REEP6: variants seen among roughly 807,000 people sequenced by gnomAD.
The protein encoded by REEP6 is receptor expression-enhancing protein 6.
Under a neutral mutation model 22.4 loss-of-function variants are expected in REEP6, and 19 were observed. That is an observed-to-expected ratio of 0.85 (90% CI 0.59 to 1.25). REEP6 has a LOEUF of 1.25. REEP6 is among the 50% of genes most tolerant of loss of function. The probability of loss-of-function intolerance (pLI) is 0.00; values close to 1 mark genes in which losing one functional copy is unlikely to be tolerated. For synonymous variants in REEP6, 121 were observed against 113.6 expected (o/e 1.06, Z -0.41); for missense variants, 273 against 251.9 (o/e 1.08, Z -0.57).
rs2084954170 is a variant in REEP6, at chr19:1,491,964, G to A, written c.115+580G>A. Among the ~76,000 whole-genome samples, 1 of 152,184 alleles carries A rather than the reference G, an allele frequency of 6.6e-6. No individual in the cohort carries two copies. The highest frequency in any genetic ancestry group is 1.5e-5 in the Non-Finnish European group (1 of 68,030). Reference sequence around the variant, plus strand: ...TGTGATGTGGGGAGGCTGGACTGGGGCCCACAGAGCCGGAGATCCAGGCAC... The same window carrying A: ...TGTGATGTGGGGAGGCTGGACTGGGACCCACAGAGCCGGAGATCCAGGCAC... On this transcript the variant is annotated intron_variant, in intron 1 of 4. Transcript: ENST00000233596. This position sits in a 1 kb window ranked among gnomAD's most constrained non-coding sequence, Gnocchi z 5.4.
In REEP6 at chr19:1,491,424, C is replaced by T; in HGVS notation, c.115+40C>T. 7.5e-7 allele frequency: 1 copy of T among 1,331,268 alleles called. No homozygotes were observed. The highest frequency in any genetic ancestry group is 1.7e-5 in the South Asian group (1 of 59,050). 82.5% of individuals were successfully genotyped at this position (1,331,268 alleles called of 1,614,324 possible). A position where few individuals can be genotyped will look rare whatever the true frequency, so the allele number is the denominator to read the frequency against. On this transcript the variant is annotated intron_variant, in intron 1 of 4. Coordinates refer to ENST00000233596, the MANE Select transcript of REEP6 (RefSeq NM_138393.4). The surrounding 1 kb of genome is among the most constrained non-coding windows in gnomAD (Gnocchi z 5.4). ...CTAGCCCGTTTCGCCGACGGGCACA[C>T]CGAGGCCATGGGCCTGGGGGTCGCA...
At chr19:1,493,004 C>T (rs983828937) in intron 1 of REEP6, among the ~76,000 whole-genome samples, 11 of 151,898 alleles carry the variant, frequency 7.2e-5, no homozygotes, top group Non-Finnish European at 8.8e-5. Flanking sequence ...CCTGGGGCAC[C>T]GTGTCACCAG....
At chr19:1,496,684 T>G in intron 4 of REEP6, 1 of 705,118 alleles carries the variant, frequency 1.4e-6, no homozygotes. Flanking sequence ...ACGTAACCGC[T>G]GTGGGGAGAT....
rs916740686 is a variant in REEP6 at position 1,492,000 on chromosome 19, A to T, written c.115+616A>T. 2.6e-5 allele frequency among the ~76,000 whole-genome samples: 4 copies of T among 151,740 alleles called. No homozygotes were observed. The highest frequency in any genetic ancestry group is 7.3e-5 in the African/African-American group (3 of 41,260). ...CGGAGATCCAGGCACCCCGATTGTG[A>T]CTCCATTACAGTTCTTCCGTGACTT... is the stretch of plus-strand genomic sequence containing the variant. On this transcript the variant is annotated intron_variant, in intron 1 of 4. Coordinates refer to ENST00000233596, the MANE Select transcript of REEP6 (RefSeq NM_138393.4). The surrounding 1 kb of genome is among the most constrained non-coding windows in gnomAD (Gnocchi z 5.4).
At position 1,495,586 on chromosome 19, in the gene REEP6, C is replaced by A. The variant is rs1400596555; in HGVS notation, c.327C>A (p.Phe109Leu). 1 of 1,613,966 alleles carries A rather than the reference C, an allele frequency of 6.2e-7. No individual in the cohort carries two copies. Among genetic ancestry groups the A allele is most frequent in the Non-Finnish European group, 8.5e-7 (1 of 1,180,022 alleles). The change falls in exon 3 of 5, where the codon TTC (phenylalanine) becomes TTA (leucine). Residue 109 changes from phenylalanine to leucine, a missense_variant. Physicochemically the swap from Phe to Leu is conservative, Grantham distance 22. Coordinates refer to ENST00000233596, the MANE Select transcript of REEP6 (RefSeq NM_138393.4). ...EFFSDLLLSW[F>L]PFYYVGKCAF... The stretch of plus-strand genomic sequence containing the variant: ...TCAGCGATCTACTCCTGTCCTGGTT[C>A]CCTTTCTACTACGTGGGCAAGGTGG...
In REEP6 at chr19:1,491,384, G is replaced by A; in HGVS notation, c.115G>A (p.Gly39Arg). 6.9e-7 allele frequency: 1 copy of A among 1,447,386 alleles called. No individual in the cohort carries two copies. The allele number at this position is 1,447,386 out of a possible 1,614,324, so 89.7% of individuals were successfully genotyped here. Residue 39 changes from glycine (G) to arginine (R), a missense_variant and splice_region_variant, in exon 1 of 5, where the codon GGA becomes AGA. Transcript: ENST00000233596. The surrounding 1 kb of genome is among the most constrained non-coding windows in gnomAD (Gnocchi z 5.4). ...TGVEKRYLAAGAVTLLSLYLL... is the reference protein window; with the variant it reads ...TGVEKRYLAARAVTLLSLYLL... ...GGTGGAGAAGCGGTATCTGGCTGCA[G>A]GTGAGCCGTCGGCGCTAGCCCGTTT...
At position 1,496,537 on chromosome 19, in the gene REEP6, T is replaced by TTTGACCGCCCACTGTCTGGCATC. The variant is rs370994695; in HGVS notation, c.517+87_517+88insACCGCCCACTGTCTGGCATCTTG. ...TCTCCACCTTGCCTCCCTTTCTGAC[T>TTTGACCGCCCACTGTCTGGCATC]TTGGCCGCCCCCTCTCACTGTCCGC... is the stretch of plus-strand genomic sequence containing the variant. On this transcript the variant is annotated intron_variant, in intron 4 of 4. Transcript: ENST00000233596. 2.9e-3 allele frequency: 4,273 copies of TTTGACCGCCCACTGTCTGGCATC among 1,486,858 alleles called. 108 individuals carry two copies. The African/African-American group carries it at 0.053, about 19-fold the overall frequency. 92.1% of individuals were successfully genotyped at this position (1,486,858 alleles called of 1,614,324 possible).
In REEP6 at chr19:1,497,245, C is replaced by T; in HGVS notation, c.*34C>T. 1 of 1,542,750 alleles carries T rather than the reference C, an allele frequency of 6.5e-7. No homozygotes were observed. Among genetic ancestry groups the T allele is most frequent in the Non-Finnish European group, 8.8e-7 (1 of 1,140,014 alleles). ...CCTGAGCCTCACAAGGACCTCCTGG[C>T]TGGTGAGGAGGGGGCCGCGCCAGGC... On this transcript the variant is annotated 3_prime_UTR_variant, in exon 5 of 5. Coordinates refer to ENST00000233596, the MANE Select transcript of REEP6 (RefSeq NM_138393.4). The surrounding 1 kb of genome is among the most constrained non-coding windows in gnomAD (Gnocchi z 6.5).
At chr19:1,493,669 A>T (rs940845735) in intron 1 of REEP6, among the ~76,000 whole-genome samples, 1 of 128,934 alleles carries the variant, frequency 7.8e-6, no homozygotes, top group Non-Finnish European at 1.7e-5. Flanking sequence ...TGTCGTAGTC[A>T]TTCTTTTCAG....
chr19:1,497,446 G>C lies in REEP6; in HGVS notation c.*235G>C. 1 of 707,608 alleles carries C rather than the reference G, an allele frequency of 1.4e-6. No homozygotes were observed. Among genetic ancestry groups the C allele is most frequent in the Non-Finnish European group, 2.6e-6 (1 of 379,956 alleles). 43.8% of individuals were successfully genotyped at this position (707,608 alleles called of 1,614,324 possible). A position where few individuals can be genotyped will look rare whatever the true frequency, so the allele number is the denominator to read the frequency against. ...GGCCAGCTGCCCTCTGGCTCTGGCT[G>C]TGGCTCCCGCCTGTCCGGCAGGGCC... On this transcript the variant is annotated 3_prime_UTR_variant, in exon 5 of 5. Coordinates refer to ENST00000233596, the MANE Select transcript of REEP6 (RefSeq NM_138393.4). This position sits in a 1 kb window ranked among gnomAD's most constrained non-coding sequence, Gnocchi z 6.5.
In REEP6 at chr19:1,491,459, C is replaced by T; in HGVS notation, c.115+75C>T. On this transcript the variant is annotated intron_variant, in intron 1 of 4. Transcript: ENST00000233596. This position sits in a 1 kb window ranked among gnomAD's most constrained non-coding sequence, Gnocchi z 5.4. Reference sequence around the variant, plus strand: ...GGGCCTGGGGGTCGCAGACCGGACTCCTTCCCCGGCTACGGGGTCCGGTCC... The same window carrying T: ...GGGCCTGGGGGTCGCAGACCGGACTTCTTCCCCGGCTACGGGGTCCGGTCC... 9.4e-7 allele frequency: 1 copy of T among 1,063,152 alleles called. No homozygotes were observed. Among genetic ancestry groups the T allele is most frequent in the Non-Finnish European group, 1.3e-6 (1 of 794,166 alleles). 65.9% of individuals were successfully genotyped at this position (1,063,152 alleles called of 1,614,324 possible).
chr19:1,496,548 C>G (rs774124804), intron 4 of REEP6, 95 bp downstream of exon 4: 4 of 1,383,098 alleles, frequency 2.9e-6, no homozygotes, highest in Non-Finnish European at 2.0e-6. Flanking sequence ...TTGGCCGCCC[C>G]CTCTCACTGT....
In REEP6 at chr19:1,491,499, G is replaced by C; in HGVS notation, c.115+115G>C. On this transcript the variant is annotated intron_variant, in intron 1 of 4. Transcript: ENST00000233596. The surrounding 1 kb of genome is among the most constrained non-coding windows in gnomAD (Gnocchi z 5.4). Reference sequence around the variant, plus strand: ...GGGTCCGGTCCGGCCGGTGGAGCGCGCGAGGTGACTGGGACCTCGAGGTCC... The same window carrying C: ...GGGTCCGGTCCGGCCGGTGGAGCGCCCGAGGTGACTGGGACCTCGAGGTCC... 1.5e-6 allele frequency: 1 copy of C among 672,060 alleles called. No individual in the cohort carries two copies. The highest frequency in any genetic ancestry group is 2.2e-6 in the Non-Finnish European group (1 of 454,768). The allele number at this position is 672,060 out of a possible 1,614,324, so 41.6% of individuals were successfully genotyped here.
rs1434277121 is a variant in REEP6, at chr19:1,497,747, C to G, written c.*536C>G. ...AGGAATCGTCGAAACAGCCTGCCAG[C>G]AGCGCCTCAGTGCCCGAGCTGGTCC... On this transcript the variant is annotated 3_prime_UTR_variant, in exon 5 of 5. Coordinates refer to ENST00000233596, the MANE Select transcript of REEP6 (RefSeq NM_138393.4). The surrounding 1 kb of genome is among the most constrained non-coding windows in gnomAD (Gnocchi z 6.5). 8.5e-6 allele frequency: 4 copies of G among 471,062 alleles called. No individual in the cohort carries two copies. In the Admixed American group the frequency reaches 9.4e-5, roughly 11 times the overall value. 29.2% of individuals were successfully genotyped at this position (471,062 alleles called of 1,614,324 possible).
intron 1 of REEP6, among the ~76,000 whole-genome samples, chr19:1,494,175 A>G (rs1239029052): frequency 1.3e-5 from 2 of 152,206 alleles, no homozygotes; most frequent in Non-Finnish European, 2.9e-5. Context: ...CCAAGGGGGA[A>G]ACTGAGGCTC....
In REEP6 at chr19:1,491,477, T is replaced by C; in HGVS notation, c.115+93T>C. Reference sequence around the variant, plus strand: ...CCGGACTCCTTCCCCGGCTACGGGGTCCGGTCCGGCCGGTGGAGCGCGCGA... The same window carrying C: ...CCGGACTCCTTCCCCGGCTACGGGGCCCGGTCCGGCCGGTGGAGCGCGCGA... On this transcript the variant is annotated intron_variant, in intron 1 of 4. Coordinates refer to ENST00000233596, the MANE Select transcript of REEP6 (RefSeq NM_138393.4). The surrounding 1 kb of genome is among the most constrained non-coding windows in gnomAD (Gnocchi z 5.4). 1.1e-6 allele frequency: 1 copy of C among 912,786 alleles called. No homozygotes were observed. Among genetic ancestry groups the C allele is most frequent in the Non-Finnish European group, 1.5e-6 (1 of 663,622 alleles). The allele number at this position is 912,786 out of a possible 1,614,324, so 56.5% of individuals were successfully genotyped here.
At chr19:1,496,880 A>ATG (rs201505793) in intron 4 of REEP6, among the ~76,000 whole-genome samples, 11 of 151,458 alleles carry the variant, frequency 7.3e-5, no homozygotes, top group African/African-American at 9.7e-5. Context: ...ACGTGTGCAT[A>ATG]TGTGTGTGTG....
chr19:1,496,825 G>T (rs1000906048), intron 4 of REEP6, among the ~76,000 whole-genome samples: 1 of 151,928 alleles, frequency 6.6e-6, no homozygotes, highest in Non-Finnish European at 1.5e-5. Flanking sequence ...GGGCTCAAGT[G>T]TATGTTTGGT....
intron 1 of REEP6, among the ~76,000 whole-genome samples, chr19:1,494,155 C>G (rs58754934): frequency 0.36 from 54,798 of 152,030 alleles, 10,025 homozygotes; most frequent in Middle Eastern, 0.52. Flanking sequence ...GCCATTACTA[C>G]TCCCACTTAC....
Sources: gnomAD v4.1 joint callset for allele counts (sites outside exome capture counted in the v4.1 genomes callset) on GRCh38, gnomAD v4.1.1 for gene constraint, Gnocchi (gnomAD v3.1) non-coding constraint, MANE v1.5 for transcripts, NCBI Gene and HGNC (gene_info 2026-07-23, HGNC 2026-07-21) for gene names.